The following WNT10A variants were observed in gnomAD, a reference collection of about 807,000 sequenced individuals.
WNT10A encodes the protein Wnt family member 10A, also known as protein Wnt-10a.
Under a neutral mutation model 36.1 loss-of-function variants are expected in WNT10A, and 37 were observed. The observed-to-expected ratio is 1.02, with a 90% CI of 0.79 to 1.35. The LOEUF (loss-of-function observed/expected upper bound fraction) is 1.35. Among genes scored for constraint, WNT10A ranks in the 40% most tolerant of loss-of-function variants. The probability of loss-of-function intolerance (pLI) is 0.00; values close to 1 mark genes in which losing one functional copy is unlikely to be tolerated. For missense variants in WNT10A, 613 were observed against 601.4 expected (o/e 1.02, Z -0.20); for synonymous variants, 255 against 254.1 (o/e 1.00, Z -0.03).
At chr2:218,879,555 T>C (rs919140415), upstream of WNT10A, among the ~76,000 whole-genome samples, 8 of 152,034 alleles carry the variant, frequency 5.3e-5, no homozygotes, top group African/African-American at 1.9e-4. Flanking sequence ...CAGTGTTCAG[T>C]TGGGGTGGAG....
At position 218,890,364 on chromosome 2, in the gene WNT10A, G is replaced by A. The variant is rs1944637150; in HGVS notation, c.756+1G>A. 6.3e-7 allele frequency: 1 copy of A among 1,599,668 alleles called. No homozygotes were observed. Among genetic ancestry groups the A allele is most frequent in the African/African-American group, 1.3e-5 (1 of 75,032 alleles). ...TCACAACAACCGAGTTGGGAGGCAG[G>A]TGAGAGCCCCACCCCTGGGTCTGCT... On this transcript the variant is annotated splice_donor_variant, in intron 3 of 3. Coordinates refer to ENST00000258411, the MANE Select transcript of WNT10A (RefSeq NM_025216.3). LOFTEE classifies it high-confidence loss of function.
Position 218,893,143 on chromosome 2 carries a change from T to G in WNT10A, c.1126T>G (p.Cys376Gly). 6.3e-7 allele frequency: 1 copy of G among 1,591,516 alleles called. No individual in the cohort carries two copies. The highest frequency in any genetic ancestry group is 8.5e-7 in the Non-Finnish European group (1 of 1,176,330). The change falls in exon 4 of 4, where the codon TGC becomes GGC. Residue 376 changes from cysteine (C) to glycine (G), a missense_variant. Coordinates refer to ENST00000258411, the MANE Select transcript of WNT10A (RefSeq NM_025216.3). This position sits in a 1 kb window ranked among gnomAD's most constrained non-coding sequence, Gnocchi z 6.3. ...SAGSDGCGSM[C>G]CGRGHNILRQ... ...CGGCTCGGATGGCTGCGGCAGCATGTGCTGCGGCCGCGGCCACAACATCCT... is the reference window on the plus strand; with the variant it reads ...CGGCTCGGATGGCTGCGGCAGCATGGGCTGCGGCCGCGGCCACAACATCCT...
Position 218,890,031 on chromosome 2 carries a change from G to A in WNT10A, c.424G>A (p.Val142Met), listed in dbSNP as rs768321561. Residue 142 changes from valine (V) to methionine (M), a missense_variant, in exon 3 of 4, where the codon GTG becomes ATG. Val to Met is a conservative substitution (Grantham distance 21, BLOSUM62 1). Transcript: ENST00000258411. ...FAYAIAAAGV[V>M]HAVSNACALG... is the part of the protein sequence containing the mutation. ...CTACGCCATCGCAGCAGCTGGCGTG[G>A]TGCACGCCGTGTCCAATGCGTGTGC... 1.9e-6 allele frequency: 3 copies of A among 1,613,724 alleles called. No individual in the cohort carries two copies. Among genetic ancestry groups the A allele is most frequent in the Admixed American group, 1.7e-5 (1 of 60,016 alleles).
At chr2:218,878,096 G>A (rs780331530), upstream of WNT10A, among the ~76,000 whole-genome samples, 146 of 152,208 alleles carry the variant, frequency 9.6e-4, 6 homozygotes, top group Non-Finnish European at 4.6e-4. This position sits in a 1 kb window ranked among gnomAD's most constrained non-coding sequence, Gnocchi z 4.1. Context: ...TGTGGTCTTA[G>A]GCGGCGGCTG....
chr2:218,876,747 A>T (rs1944456503), upstream of WNT10A, among the ~76,000 whole-genome samples: 1 of 152,178 alleles, frequency 6.6e-6, no homozygotes, highest in African/African-American at 2.4e-5. Flanking sequence ...CAAACAAAAA[A>T]ACCAAACAAG....
intron 2 of WNT10A, among the ~76,000 whole-genome samples, chr2:218,888,991 C>A (rs750156072): frequency 4.6e-5 from 7 of 152,094 alleles, no homozygotes; most frequent in Admixed American, 3.3e-4. Flanking sequence ...TAAGTTCTTT[C>A]GTGGTGATTT....
rs115099125 is a variant in WNT10A at position 218,881,220 on chromosome 2, C to G, written c.113+112C>G. On this transcript the variant is annotated intron_variant, in intron 1 of 3. Transcript: ENST00000258411. ...CCCTGGAAGAAGGGAGGGACAGGGT[C>G]ATAGGAAAGTGCTGGTGCCCAACCA... The G allele has an allele frequency of 1.1e-4, 160 of 1,482,244 alleles. No homozygotes were observed. In the African/African-American group the frequency reaches 2.0e-3, roughly 18 times the overall value. The allele number at this position is 1,482,244 out of a possible 1,614,324, so 91.8% of individuals were successfully genotyped here.
chr2:218,888,085 G>T (rs536605955), intron 2 of WNT10A, among the ~76,000 whole-genome samples: 124 of 152,294 alleles, frequency 8.1e-4, no homozygotes, highest in African/African-American at 2.8e-3. Flanking sequence ...TTTGGTTTTG[G>T]TTTTTTTGTT....
At position 218,892,937 on chromosome 2, in the gene WNT10A, G is replaced by C. The variant is rs1575234916; in HGVS notation, c.920G>C (p.Gly307Ala). 6.8e-7 allele frequency: 1 copy of C among 1,477,466 alleles called. No homozygotes were observed. The highest frequency in any genetic ancestry group is 2.2e-4 in the Middle Eastern group (1 of 4,580). The allele number at this position is 1,477,466 out of a possible 1,614,324, so 91.5% of individuals were successfully genotyped here. A position where few individuals can be genotyped will look rare whatever the true frequency, so the allele number is the denominator to read the frequency against. ...ATLIRPHNRN[G>A]GQLEPGPAGA... The stretch of plus-strand genomic sequence containing the variant: ...CTCATCCGGCCGCACAACCGCAACG[G>C]CGGCCAGCTGGAGCCGGGCCCAGCG... The change falls in exon 4 of 4, where the codon GGC (glycine) becomes GCC (alanine). Residue 307 changes from glycine to alanine, a missense_variant. By Grantham distance (60) the Gly-to-Ala change is moderately conservative (BLOSUM62 0). Coordinates refer to ENST00000258411, the MANE Select transcript of WNT10A (RefSeq NM_025216.3).
At chr2:218,877,491 A>G (rs1192818768), upstream of WNT10A, among the ~76,000 whole-genome samples, 1 of 151,842 alleles carries the variant, frequency 6.6e-6, no homozygotes, top group Non-Finnish European at 1.5e-5. The surrounding 1 kb of genome is among the most constrained non-coding windows in gnomAD (Gnocchi z 4.1). Flanking sequence ...TCCCACCACC[A>G]CCCACCCCTG....
At position 218,892,779 on chromosome 2, in the gene WNT10A, G is replaced by A; in HGVS notation, c.762G>A (p.Val254=). ...LHNNRVGRQA[V]MENMRRKCKC... ...CACGGTGCCTCCCTCCGCAGGCAGT[G>A]ATGGAGAACATGCGGCGGAAGTGCA... Residue 254 remains valine, a synonymous_variant, in exon 4 of 4, where the codon GTG becomes GTA. Coordinates refer to ENST00000258411, the MANE Select transcript of WNT10A (RefSeq NM_025216.3). The A allele has an allele frequency of 1.9e-6, 3 of 1,592,080 alleles. No individual in the cohort carries two copies. In the South Asian group the frequency reaches 3.4e-5, roughly 18 times the overall value.
At chr2:218,891,007 G>A (rs1944644231) in intron 3 of WNT10A, among the ~76,000 whole-genome samples, 1 of 152,178 alleles carries the variant, frequency 6.6e-6, no homozygotes. Context: ...AGTGGTAATA[G>A]CCTGCATTTA....
the WNT10A span, among the ~76,000 whole-genome samples, chr2:218,875,382 G>A: frequency 6.6e-6 from 1 of 151,200 alleles, no homozygotes; most frequent in Non-Finnish European, 1.5e-5. Context: ...AGTAGAGATG[G>A]GGTTTCACCG....
intron 2 of WNT10A, among the ~76,000 whole-genome samples, chr2:218,884,866 T>C (rs1324638812): frequency 6.6e-6 from 1 of 152,268 alleles, no homozygotes; most frequent in Non-Finnish European, 1.5e-5. Context: ...ATCTGGGTGC[T>C]GACCCCTTTT....
At position 218,893,338 on chromosome 2, in the gene WNT10A, G is replaced by T; in HGVS notation, c.*67G>T. The T allele has an allele frequency of 6.7e-7, 1 of 1,496,554 alleles. No individual in the cohort carries two copies. The highest frequency in any genetic ancestry group is 2.2e-5 in the Admixed American group (1 of 44,742). The allele number at this position is 1,496,554 out of a possible 1,614,324, so 92.7% of individuals were successfully genotyped here. A position where few individuals can be genotyped will look rare whatever the true frequency, so the allele number is the denominator to read the frequency against. The stretch of plus-strand genomic sequence containing the variant: ...GGAGCCTGGCCCTCTGAGGCTTACG[G>T]TCTTGGCAAGGCAGCATCGCCTTGG... On this transcript the variant is annotated 3_prime_UTR_variant, in exon 4 of 4. Coordinates refer to ENST00000258411, the MANE Select transcript of WNT10A (RefSeq NM_025216.3). This position sits in a 1 kb window ranked among gnomAD's most constrained non-coding sequence, Gnocchi z 6.3.
At position 218,880,930 on chromosome 2, in the gene WNT10A, C is replaced by A. The variant is rs903005250; in HGVS notation, c.-66C>A. The A allele has an allele frequency of 1.1e-5, 17 of 1,488,168 alleles. No homozygotes were observed. The highest frequency in any genetic ancestry group is 1.5e-5 in the Non-Finnish European group (17 of 1,122,282). The allele number at this position is 1,488,168 out of a possible 1,614,324, so 92.2% of individuals were successfully genotyped here. A position where few individuals can be genotyped will look rare whatever the true frequency, so the allele number is the denominator to read the frequency against. ...ACCCCCCGCCGATCATGCGCCGGCGCCCCTGGCTCTCCAGTCCCACTGGGC... is the reference window on the plus strand; with the variant it reads ...ACCCCCCGCCGATCATGCGCCGGCGACCCTGGCTCTCCAGTCCCACTGGGC... On this transcript the variant is annotated 5_prime_UTR_variant, in exon 1 of 4. Transcript: ENST00000258411. This position sits in a 1 kb window ranked among gnomAD's most constrained non-coding sequence, Gnocchi z 7.7.
chr2:218,889,493 T>G (rs1164459979), intron 2 of WNT10A, among the ~76,000 whole-genome samples: 1 of 152,238 alleles, frequency 6.6e-6, no homozygotes, highest in Non-Finnish European at 1.5e-5. Flanking sequence ...CTTTGAGGAA[T>G]CTCCACACTG....
chr2:218,886,881 G>A (rs1278245465), intron 2 of WNT10A, among the ~76,000 whole-genome samples: 1 of 152,258 alleles, frequency 6.6e-6, no homozygotes, highest in East Asian at 1.9e-4. Flanking sequence ...GGCTATGACA[G>A]CTGTCAGAGG....
chr2:218,892,102 G>A (rs1559415615), intron 3 of WNT10A, among the ~76,000 whole-genome samples: 1 of 151,982 alleles, frequency 6.6e-6, no homozygotes, highest in Admixed American at 6.6e-5. Flanking sequence ...CCCTGGTGGC[G>A]CTGACTTTTC....
Sources: allele counts gnomAD v4.1 joint callset (sites outside exome capture counted in the v4.1 genomes callset), GRCh38; gene constraint gnomAD v4.1.1; non-coding constraint Gnocchi (gnomAD v3.1); transcripts MANE v1.5; gene names NCBI Gene and HGNC (gene_info 2026-07-23, HGNC 2026-07-21).